Variants in ICA1 observed in about 807,000 individuals in gnomAD.
ICA1 encodes the protein islet cell autoantigen 1, also known as 69 kDa islet cell autoantigen.
A neutral mutation model predicts 71.0 loss-of-function variants in ICA1; 40 were observed. The observed-to-expected ratio is 0.56, with a 90% CI of 0.44 to 0.73. The LOEUF is 0.73. Ranked by LOEUF, ICA1 falls within the 30% of genes least tolerant of loss-of-function variation. The pLI is 0.00. For synonymous variants in ICA1, 207 were observed against 209.5 expected (o/e 0.99, Z 0.10); for missense variants, 578 against 576.5 (o/e 1.00, Z -0.03).
chr7:8,130,050 C>A lies in ICA1; in HGVS notation c.1061-1908G>T, dbSNP rs1409364159. 2.6e-5 allele frequency among the ~76,000 whole-genome samples: 4 copies of A among 152,048 alleles called. No homozygotes were observed. The highest frequency in any genetic ancestry group is 5.9e-5 in the Non-Finnish European group (4 of 68,020). ...GACATGAACTCATCCTTTTTTATGG[C>A]TGCATAGTATTCCATGGTGTATATG... On this transcript the variant is annotated intron_variant, in intron 12 of 13. Coordinates refer to ENST00000402384, the MANE Select transcript of ICA1 (RefSeq NM_001136020.3). This position sits in a 1 kb window ranked among gnomAD's most constrained non-coding sequence, Gnocchi z 4.2.
intron 1 of ICA1, among the ~76,000 whole-genome samples, chr7:8,255,190 T>C (rs1809640034): frequency 6.6e-6 from 1 of 152,142 alleles, no homozygotes; most frequent in African/African-American, 2.4e-5. Context: ...TTCAAACTCT[T>C]TCTCAGTTCC....
chr7:8,247,799 G>A (rs992762980), intron 1 of ICA1, among the ~76,000 whole-genome samples: 51 of 152,204 alleles, frequency 3.4e-4, no homozygotes, highest in African/African-American at 1.2e-3. Context: ...GAAGTTAGCT[G>A]ATGGCACTTC....
intron 6 of ICA1, among the ~76,000 whole-genome samples, chr7:8,209,931 G>A (rs1793051787): frequency 6.6e-6 from 1 of 152,188 alleles, no homozygotes; most frequent in Non-Finnish European, 1.5e-5. Context: ...GCAGCAGCAG[G>A]GAAGAGAGGC....
At position 8,132,843 on chromosome 7, in the gene ICA1, T is replaced by A. The variant is rs6957293; in HGVS notation, c.1061-4701A>T. Among the ~76,000 whole-genome samples, 146,090 of 152,344 alleles carry A rather than the reference T, an allele frequency of 0.96. 70,078 individuals carry two copies. The highest frequency in any genetic ancestry group is 1 in the East Asian group (5,182 of 5,188). The stretch of plus-strand genomic sequence containing the variant: ...ATTCCAAGTTCTTTCTGGAACTCCA[T>A]TTGCAAATTCCTGTCTGGGAGCCCT... On this transcript the variant is annotated intron_variant, in intron 12 of 13. Coordinates refer to ENST00000402384, the MANE Select transcript of ICA1 (RefSeq NM_001136020.3). The surrounding 1 kb of genome is among the most constrained non-coding windows in gnomAD (Gnocchi z 4.5).
At chr7:8,262,224 G>C (rs1435247849), upstream of ICA1, 1 of 152,072 alleles carries the variant, frequency 6.6e-6, no homozygotes, top group Admixed American at 6.5e-5. Flanking sequence ...CCCTTCCTGC[G>C]GCGGCCGCCA....
chr7:8,251,865 C>G (rs999554100), intron 1 of ICA1, among the ~76,000 whole-genome samples: 1 of 152,122 alleles, frequency 6.6e-6, no homozygotes, highest in Non-Finnish European at 1.5e-5. Flanking sequence ...AAAACTCAAA[C>G]TGCTCACAAA....
chr7:8,196,529 T>C (rs990845295), intron 6 of ICA1, among the ~76,000 whole-genome samples: 3 of 152,170 alleles, frequency 2.0e-5, no homozygotes, highest in African/African-American at 7.2e-5. Flanking sequence ...GTGTCAACCT[T>C]GGCTCATTAA....
rs115374373 is a variant in ICA1 at position 8,114,506 on chromosome 7, G to A, written c.1331-462C>T. Among the ~76,000 whole-genome samples the A allele has an allele frequency of 2.7e-3, 411 of 152,290 alleles. 1 individual carries two copies. The highest frequency in any genetic ancestry group is 9.5e-3 in the African/African-American group (393 of 41,544). ...ACTCTTTCTACCCTTCAAAGCAACAGGCCCAAAAGTGTTTGGCGCCCAGGC... is the reference window on the plus strand; with the variant it reads ...ACTCTTTCTACCCTTCAAAGCAACAAGCCCAAAAGTGTTTGGCGCCCAGGC... On this transcript the variant is annotated intron_variant, in intron 13 of 13. Transcript: ENST00000402384.
At chr7:8,246,008 T>C (rs754482417) in intron 1 of ICA1, among the ~76,000 whole-genome samples, 1 of 152,236 alleles carries the variant, frequency 6.6e-6, no homozygotes, top group African/African-American at 2.4e-5. Flanking sequence ...TAGCTAATAC[T>C]TCATGATTCT....
At chr7:8,195,530 G>A (rs1787172024) in intron 6 of ICA1, among the ~76,000 whole-genome samples, 2 of 150,896 alleles carry the variant, frequency 1.3e-5, no homozygotes, top group South Asian at 2.1e-4. Context: ...CAACAAGAGT[G>A]AAACTCTATC....
intron 6 of ICA1, among the ~76,000 whole-genome samples, chr7:8,177,697 T>C (rs1225994555): frequency 6.6e-6 from 1 of 152,250 alleles, no homozygotes; most frequent in African/African-American, 2.4e-5. Context: ...TGCTTATTGA[T>C]GGCCAGTCAC....
At chr7:8,218,259 C>A in intron 6 of ICA1, 46 bp downstream of exon 6, 1 of 1,541,822 alleles carries the variant, frequency 6.5e-7, no homozygotes, top group Non-Finnish European at 9.0e-7. Context: ...CACCTCATTA[C>A]CTTCCAGCAG....
At chr7:8,261,010 A>G (rs3807804) in intron 1 of ICA1, among the ~76,000 whole-genome samples, 99,184 of 152,086 alleles carry the variant, frequency 0.65, 33,468 homozygotes, top group African/African-American at 0.83. Flanking sequence ...AATGGCCAAT[A>G]AATGCCTTAT....
At chr7:8,243,495 G>A (rs1375569242) in intron 1 of ICA1, among the ~76,000 whole-genome samples, 2 of 152,188 alleles carry the variant, frequency 1.3e-5, no homozygotes, top group African/African-American at 4.8e-5. Context: ...CATTCCCTCT[G>A]AAAACTGGCA....
At chr7:8,205,067 T>C (rs558179293) in intron 6 of ICA1, among the ~76,000 whole-genome samples, 2 of 96,980 alleles carry the variant, frequency 2.1e-5, no homozygotes, top group East Asian at 3.3e-4. Flanking sequence ...TATTTTAAAA[T>C]GGAAGACATG....
intron 6 of ICA1, among the ~76,000 whole-genome samples, chr7:8,183,560 G>A (rs1016138764): frequency 6.6e-6 from 1 of 152,112 alleles, no homozygotes; most frequent in Non-Finnish European, 1.5e-5. Context: ...TCCAATCTGG[G>A]GCTAGAAGAC....
Position 8,173,119 on chromosome 7 carries a change from C to A in ICA1, c.580-14467G>T, listed in dbSNP as rs1159216508. ...CACTGTAAAGGTCTACAAGTAACGG[C>A]TAACTTAGAAGCAATGAGGTCACGG... On this transcript the variant is annotated intron_variant, in intron 6 of 13. Coordinates refer to ENST00000402384, the MANE Select transcript of ICA1 (RefSeq NM_001136020.3). The surrounding 1 kb of genome is among the most constrained non-coding windows in gnomAD (Gnocchi z 4.0). Among the ~76,000 whole-genome samples, 1 of 152,146 alleles carries A rather than the reference C, an allele frequency of 6.6e-6. No homozygotes were observed. Among genetic ancestry groups the A allele is most frequent in the Non-Finnish European group, 1.5e-5 (1 of 68,028 alleles).
intron 8 of ICA1, among the ~76,000 whole-genome samples, chr7:8,151,510 A>G (rs1798791659): frequency 6.6e-6 from 1 of 152,228 alleles, no homozygotes; most frequent in Admixed American, 6.5e-5. Flanking sequence ...TGCTGTGTAA[A>G]GTAATGACAA....
intron 8 of ICA1, among the ~76,000 whole-genome samples, chr7:8,152,568 A>T (rs1270518887): frequency 1.0e-4 from 15 of 146,562 alleles, no homozygotes; most frequent in African/African-American, 3.1e-4. Flanking sequence ...CACCACCACC[A>T]CCACCACCAT....
Sources: allele counts gnomAD v4.1 joint callset (sites outside exome capture counted in the v4.1 genomes callset), GRCh38; gene constraint gnomAD v4.1.1; non-coding constraint Gnocchi (gnomAD v3.1); transcripts MANE v1.5; gene names NCBI Gene and HGNC (gene_info 2026-07-23, HGNC 2026-07-21).